Variants in PEAK1 observed in about 807,000 individuals in gnomAD.
PEAK1 encodes the protein inactive tyrosine-protein kinase PEAK1.
Under a neutral mutation model 124.7 loss-of-function variants are expected in PEAK1, and 54 were observed. The observed-to-expected ratio is 0.43, with a 90% confidence interval of 0.35 to 0.54. PEAK1 has a LOEUF of 0.54. PEAK1 is among the 20% of genes least tolerant of loss of function. The probability of loss-of-function intolerance (pLI) is 0.01; values close to 1 mark genes in which losing one functional copy is unlikely to be tolerated. For missense variants in PEAK1, 2,046 were observed against 2,134.5 expected (o/e 0.96, Z 0.82); for synonymous variants, 719 against 760.0 (o/e 0.95, Z 0.89).
At position 77,114,385 on chromosome 15, in the gene PEAK1, C is replaced by T. The variant is rs781237937; in HGVS notation, c.5012G>A (p.Arg1671His). 9 of 1,614,000 alleles carry T rather than the reference C, an allele frequency of 5.6e-6. No homozygotes were observed. Among genetic ancestry groups the T allele is most frequent in the Admixed American group, 1.7e-5 (1 of 60,010 alleles). The change falls in exon 10 of 10, where the codon CGC (arginine) becomes CAC (histidine). Residue 1671 changes from arginine (R) to histidine (H), a missense_variant. Physicochemically the swap from Arg to His is conservative, Grantham distance 29. Transcript: ENST00000682557. ...GGTGAAAGTCTGGAAGAGATCTTCG[C>T]GGGGGCCCCAGAGCAGACACTGGAG... Reference protein sequence around the residue: ...GILQCLLWGPREDLFQTFTAC... With the variant: ...GILQCLLWGPHEDLFQTFTAC...
At chr15:77,344,587 A>G (rs538969558) in intron 2 of PEAK1, among the ~76,000 whole-genome samples, 9 of 152,268 alleles carry the variant, frequency 5.9e-5, no homozygotes, top group Middle Eastern at 6.8e-3. Context: ...TACATTTTCT[A>G]TTTTTACAAA....
At position 77,405,246 on chromosome 15, in the gene PEAK1, T is replaced by C. The variant is rs533107617; in HGVS notation, c.-666+14760A>G. ...GTCTCGATCTTCTGACCTCGTGATC[T>C]GCCCGCCTCAGCCTCCCAAAGTGCT... On this transcript the variant is annotated intron_variant, in intron 1 of 9. Transcript: ENST00000682557. Among the ~76,000 whole-genome samples the C allele has an allele frequency of 1.2e-4, 19 of 152,104 alleles. No individual in the cohort carries two copies. The South Asian group carries it at 2.7e-3, about 22-fold the overall frequency.
At chr15:77,342,282 T>G (rs1487857822) in intron 2 of PEAK1, among the ~76,000 whole-genome samples, 1 of 151,972 alleles carries the variant, frequency 6.6e-6, no homozygotes, top group Non-Finnish European at 1.5e-5. Context: ...ATCATGCAAA[T>G]CTGAAACTTA....
chr15:77,365,084 C>T (rs906302282), intron 2 of PEAK1, 79 bp downstream of exon 2: 14 of 415,724 alleles, frequency 3.4e-5, no homozygotes, highest in African/African-American at 4.3e-5. Context: ...TTTGATATTG[C>T]CTTAAATTTT....
At chr15:77,417,408 G>A in intron 1 of PEAK1, 3 of 955,684 alleles carry the variant, frequency 3.1e-6, no homozygotes, top group Non-Finnish European at 3.7e-6. Flanking sequence ...AGTACCAGGA[G>A]CTTTAGTAAT....
At chr15:77,320,401 C>A (rs2065126713) in intron 2 of PEAK1, among the ~76,000 whole-genome samples, 1 of 152,134 alleles carries the variant, frequency 6.6e-6, no homozygotes, top group Non-Finnish European at 1.5e-5. Flanking sequence ...AAACAGTAGA[C>A]CCTGGGGAAA....
chr15:77,165,650 TA>T (rs1471734354), intron 7 of PEAK1, among the ~76,000 whole-genome samples: 2 of 152,114 alleles, frequency 1.3e-5, no homozygotes, highest in Admixed American at 6.5e-5. Context: ...AACATACACT[TA>T]ACTCCAAAAA....
At chr15:77,356,541 A>G (rs1173181956) in intron 2 of PEAK1, among the ~76,000 whole-genome samples, 5 of 152,124 alleles carry the variant, frequency 3.3e-5, no homozygotes, top group Non-Finnish European at 5.9e-5. Context: ...TTGCATACGC[A>G]TAAGAGATTG....
At chr15:77,266,032 C>G (rs1430137836) in intron 5 of PEAK1, among the ~76,000 whole-genome samples, 1 of 151,692 alleles carries the variant, frequency 6.6e-6, no homozygotes, top group Non-Finnish European at 1.5e-5. Flanking sequence ...TATTCTCACT[C>G]ATAGGTGGGA....
intron 6 of PEAK1, among the ~76,000 whole-genome samples, chr15:77,219,311 A>G (rs2152875738): frequency 6.6e-6 from 1 of 152,126 alleles, no homozygotes; most frequent in East Asian, 1.9e-4. Flanking sequence ...ATTTTTCAAT[A>G]ATCTGAATTA....
intron 6 of PEAK1, among the ~76,000 whole-genome samples, chr15:77,182,246 C>T (rs1028482442): frequency 1.3e-5 from 2 of 152,126 alleles, no homozygotes; most frequent in East Asian, 3.9e-4. Context: ...ATTTTATGCA[C>T]TCTTATCTAT....
intron 6 of PEAK1, among the ~76,000 whole-genome samples, chr15:77,196,755 G>C (rs1294135936): frequency 6.6e-6 from 1 of 152,156 alleles, no homozygotes; most frequent in Non-Finnish European, 1.5e-5. Context: ...TACTTTCAGA[G>C]AAACTGAGAG....
intron 1 of PEAK1, among the ~76,000 whole-genome samples, chr15:77,380,201 G>A (rs576593362): frequency 8.5e-5 from 13 of 152,120 alleles, no homozygotes; most frequent in African/African-American, 2.7e-4. Context: ...AGCTAGAATC[G>A]GTCAATAGCA....
intron 6 of PEAK1, among the ~76,000 whole-genome samples, chr15:77,190,128 G>A (rs2057759907): frequency 6.6e-6 from 1 of 152,008 alleles, no homozygotes; most frequent in Non-Finnish European, 1.5e-5. Flanking sequence ...TTGGCAGGAG[G>A]CATTATTTTT....
intron 5 of PEAK1, among the ~76,000 whole-genome samples, chr15:77,257,448 G>A (rs919873442): frequency 6.7e-6 from 1 of 150,058 alleles, no homozygotes; most frequent in African/African-American, 2.4e-5. Flanking sequence ...ATCTCATTGT[G>A]GTTTTGATTT....
At chr15:77,127,161 C>T (rs2052447108) in intron 9 of PEAK1, among the ~76,000 whole-genome samples, 1 of 152,224 alleles carries the variant, frequency 6.6e-6, no homozygotes, top group Non-Finnish European at 1.5e-5. Flanking sequence ...CTCTCTCTCT[C>T]TCCCTGTCAT....
At chr15:77,320,445 C>A (rs2065130276) in intron 2 of PEAK1, among the ~76,000 whole-genome samples, 1 of 152,180 alleles carries the variant, frequency 6.6e-6, no homozygotes, top group Non-Finnish European at 1.5e-5. Flanking sequence ...GACTACCAAA[C>A]TCTCTAAGGA....
intron 5 of PEAK1, among the ~76,000 whole-genome samples, chr15:77,262,415 A>T (rs1373285670): frequency 6.8e-6 from 1 of 146,604 alleles, no homozygotes; most frequent in Admixed American, 6.9e-5. Context: ...ATGGAGGAAG[A>T]TCTACTAAGC....
intron 6 of PEAK1, among the ~76,000 whole-genome samples, chr15:77,238,690 G>A (rs184103755): frequency 5.3e-5 from 8 of 151,660 alleles, no homozygotes; most frequent in South Asian, 2.1e-4. Flanking sequence ...ATGTGCCACC[G>A]GGTAGTTAAA....
Sources: gnomAD v4.1 joint callset for allele counts (sites outside exome capture counted in the v4.1 genomes callset) on GRCh38, gnomAD v4.1.1 for gene constraint, MANE v1.5 for transcripts, NCBI Gene and HGNC (gene_info 2026-07-23, HGNC 2026-07-21) for gene names.